STEAP1B: variants seen among roughly 807,000 people sequenced by gnomAD.
The protein encoded by STEAP1B is STEAP family member 1B.
STEAP1B carries 13 observed loss-of-function variants against 27.9 expected under a neutral mutation model. The observed-to-expected ratio is 0.47, with a 90% CI of 0.30 to 0.74. The LOEUF (loss-of-function observed/expected upper bound fraction) is 0.74. Among genes scored for constraint, STEAP1B ranks in the 30% least tolerant of loss-of-function variants. STEAP1B has a pLI of 0.06. For synonymous variants in STEAP1B, 86 were observed against 107.1 expected, an observed-to-expected ratio of 0.80 and a Z score of 1.22; for missense variants, 250 against 298.7, an observed-to-expected ratio of 0.84 and a Z score of 1.20.
At chr7:22,467,686 C>A (rs1483069861) in intron 4 of STEAP1B, among the ~76,000 whole-genome samples, 1 of 152,176 alleles carries the variant, frequency 6.6e-6, no homozygotes, top group Non-Finnish European at 1.5e-5. Context: ...TTGTCTGCTG[C>A]CATGTGAGAC....
intron 4 of STEAP1B, among the ~76,000 whole-genome samples, chr7:22,448,868 G>A (rs1785445096): frequency 6.6e-6 from 1 of 152,196 alleles, no homozygotes; most frequent in African/African-American, 2.4e-5. Flanking sequence ...CAAAAGCACA[G>A]AAGGTCCTTG....
At chr7:22,478,721 G>A (rs375917821) in intron 4 of STEAP1B, among the ~76,000 whole-genome samples, 46 of 152,302 alleles carry the variant, frequency 3.0e-4, no homozygotes, top group Admixed American at 2.4e-3. Context: ...TAATGGAGAC[G>A]TTCTCCACAC....
At chr7:22,492,319 C>T in intron 4 of STEAP1B, 1 of 52,250 alleles carries the variant, frequency 1.9e-5, no homozygotes, top group Non-Finnish European at 2.9e-5. Context: ...ACTTCATCTC[C>T]AAAAAAAAAA....
rs77864405 is a variant in STEAP1B, at chr7:22,436,367, T to G, written c.763-16531A>C. On this transcript the variant is annotated intron_variant, in intron 4 of 4. Transcript: ENST00000678116. ...CAAAAAGATTTCTCCCATCATCATT[T>G]ATTTGTGTGTGTGTGTCATGAGAAC... Among the ~76,000 whole-genome samples, 1,462 of 152,322 alleles carry G rather than the reference T, an allele frequency of 9.6e-3. 24 individuals carry two copies. The highest frequency in any genetic ancestry group is 0.033 in the African/African-American group (1,365 of 41,570).
At chr7:22,477,510 C>T (rs535566133) in intron 4 of STEAP1B, among the ~76,000 whole-genome samples, 39 of 152,330 alleles carry the variant, frequency 2.6e-4, no homozygotes, top group Non-Finnish European at 4.4e-4. Context: ...TCTGCTTAGC[C>T]TGTATAGCAG....
At chr7:22,438,730 G>A (rs1326635334) in intron 4 of STEAP1B, 1 of 1,551,484 alleles carries the variant, frequency 6.4e-7, no homozygotes, top group African/African-American at 1.4e-5. Context: ...GTTGCACAAA[G>A]CTACCAGGCT....
intron 4 of STEAP1B, among the ~76,000 whole-genome samples, chr7:22,474,767 T>C (rs751427811): frequency 3.3e-5 from 5 of 152,306 alleles, no homozygotes; most frequent in South Asian, 2.1e-4. Context: ...CATCTGAGCA[T>C]CCCTCAACTT....
chr7:22,490,259 C>T (rs1786297715), intron 4 of STEAP1B, among the ~76,000 whole-genome samples: 1 of 152,030 alleles, frequency 6.6e-6, no homozygotes, highest in African/African-American at 2.4e-5. Flanking sequence ...CAAAAATCTC[C>T]ATTGTCTATA....
chr7:22,435,700 CA>C (rs1444614559), intron 4 of STEAP1B, among the ~76,000 whole-genome samples: 1 of 152,144 alleles, frequency 6.6e-6, no homozygotes, highest in Non-Finnish European at 1.5e-5. Context: ...TTTATTTAGC[CA>C]CATCTAAAGC....
chr7:22,456,567 G>A (rs1442482287), intron 4 of STEAP1B, among the ~76,000 whole-genome samples: 1 of 152,158 alleles, frequency 6.6e-6, no homozygotes, highest in Non-Finnish European at 1.5e-5. Flanking sequence ...TATTTCAGAT[G>A]TGAGTTGAGA....
intron 1 of STEAP1B, 109 bp from the exon 2 acceptor site, chr7:22,494,995 G>C (rs1351553134): frequency 1.9e-6 from 1 of 535,570 alleles, no homozygotes; most frequent in Non-Finnish European, 3.2e-6. Flanking sequence ...GGCAGATAAA[G>C]TACAATAAAA....
intron 4 of STEAP1B, among the ~76,000 whole-genome samples, chr7:22,484,983 G>A (rs1269252859): frequency 6.6e-6 from 1 of 152,208 alleles, no homozygotes; most frequent in Non-Finnish European, 1.5e-5. Context: ...GATAAAACTT[G>A]AACAAGTGAG....
chr7:22,473,698 T>C lies in STEAP1B; in HGVS notation c.762+18867A>G, dbSNP rs142567790. 2.6e-4 allele frequency among the ~76,000 whole-genome samples: 40 copies of C among 152,306 alleles called. No individual in the cohort carries two copies. The East Asian group carries it at 7.5e-3, about 29-fold the overall frequency. On this transcript the variant is annotated intron_variant, in intron 4 of 4. Transcript: ENST00000678116. ...GACTGGATTCTGTTTTAAGATGGTA[T>C]ATTTTTGCTCCATAGATGATTGTGA...
intron 4 of STEAP1B, among the ~76,000 whole-genome samples, chr7:22,444,734 C>T (rs144934822): frequency 1.7e-4 from 26 of 152,320 alleles, no homozygotes; most frequent in African/African-American, 5.3e-4. Context: ...AAACCCTTTC[C>T]GGAACACTTG....
chr7:22,441,650 C>T (rs1409167099), intron 4 of STEAP1B, among the ~76,000 whole-genome samples: 1 of 152,200 alleles, frequency 6.6e-6, no homozygotes, highest in Non-Finnish European at 1.5e-5. Flanking sequence ...GCCTGAGTCA[C>T]TGTATTCCTT....
intron 4 of STEAP1B, among the ~76,000 whole-genome samples, chr7:22,464,964 T>TATATATATATATATATATATATAA (rs56895688): frequency 7.7e-6 from 1 of 129,740 alleles, no homozygotes; most frequent in Non-Finnish European, 1.7e-5. Context: ...TATATATATA[T>TATATATATATATATATATATATAA]GTAGGCACAA....
At chr7:22,499,605 A>G (rs1251959034) in intron 1 of STEAP1B, among the ~76,000 whole-genome samples, 2 of 152,126 alleles carry the variant, frequency 1.3e-5, no homozygotes, top group Non-Finnish European at 2.9e-5. Context: ...TTGATTGACT[A>G]TTTTGGAGGG....
chr7:22,460,391 G>A (rs541861402), intron 4 of STEAP1B, among the ~76,000 whole-genome samples: 46 of 151,908 alleles, frequency 3.0e-4, no homozygotes, highest in Non-Finnish European at 5.3e-4. Flanking sequence ...TGGGACTGAG[G>A]GAGAGCATTC....
intron 4 of STEAP1B, among the ~76,000 whole-genome samples, chr7:22,461,798 G>A (rs973083347): frequency 6.6e-6 from 1 of 152,328 alleles, no homozygotes; most frequent in East Asian, 1.9e-4. Context: ...TCAGAACCCA[G>A]GTGTTAAACC....
Sources: gnomAD v4.1 joint callset for allele counts (sites outside exome capture counted in the v4.1 genomes callset) on GRCh38, gnomAD v4.1.1 for gene constraint, MANE v1.5 for transcripts, NCBI Gene and HGNC (gene_info 2026-07-23, HGNC 2026-07-21) for gene names.